The following UNC5D variants were observed in gnomAD, a reference collection of about 807,000 sequenced individuals.
UNC5D encodes netrin receptor UNC5D.
Under a neutral mutation model 105.4 loss-of-function variants are expected in UNC5D, and 39 were observed. The observed-to-expected ratio is 0.37, with a 90% confidence interval of 0.29 to 0.48. The LOEUF (loss-of-function observed/expected upper bound fraction) is 0.48. Ranked by LOEUF, UNC5D falls within the 20% of genes least tolerant of loss-of-function variation. The probability of loss-of-function intolerance (pLI) is 0.98; values close to 1 mark genes in which losing one functional copy is unlikely to be tolerated. For missense variants in UNC5D, 991 were observed against 1,202.4 expected (o/e 0.82, Z 2.60); for synonymous variants, 452 against 450.4 (o/e 1.00, Z -0.04).
chr8:35,255,098 A>T (rs1266067970), intron 1 of UNC5D: 1 of 152,196 alleles, frequency 6.6e-6, no homozygotes. Flanking sequence ...GTTGATCTGC[A>T]GGTCTCTGCT....
Position 35,766,975 on chromosome 8 carries a change from C to A in UNC5D, c.2387C>A (p.Thr796Lys), listed in dbSNP as rs758920980. The change falls in exon 15 of 17, where the codon ACG becomes AAG. Residue 796 changes from threonine (T) to lysine (K), a missense_variant. Thr to Lys is a moderately conservative substitution (Grantham distance 78, BLOSUM62 -1). Transcript: ENST00000404895. ...LHCAFSLERY[T>K]PTTTQLSCKI... Reference sequence around the variant, plus strand: ...TGTGCCTTCTCCCTGGAGCGTTATACGCCCACTACCACCCAGCTGTCCTGC... The same window carrying A: ...TGTGCCTTCTCCCTGGAGCGTTATAAGCCCACTACCACCCAGCTGTCCTGC... 1.9e-6 allele frequency: 3 copies of A among 1,614,048 alleles called. No individual in the cohort carries two copies. The highest frequency in any genetic ancestry group is 2.5e-6 in the Non-Finnish European group (3 of 1,179,960).
At chr8:35,459,574 T>A (rs1236165896) in intron 1 of UNC5D, among the ~76,000 whole-genome samples, 1 of 152,208 alleles carries the variant, frequency 6.6e-6, no homozygotes, top group Admixed American at 6.5e-5. Flanking sequence ...ATGGCATGTA[T>A]TAGACAGGGA....
chr8:35,536,474 T>C (rs189098353), intron 1 of UNC5D, among the ~76,000 whole-genome samples: 1 of 152,360 alleles, frequency 6.6e-6, no homozygotes, highest in East Asian at 1.9e-4. Flanking sequence ...AAATCCCATG[T>C]CTTTTCCTTT....
At chr8:35,462,973 CA>C (rs1809010875) in intron 1 of UNC5D, among the ~76,000 whole-genome samples, 2 of 152,210 alleles carry the variant, frequency 1.3e-5, no homozygotes. Context: ...TTTCTTAAGA[CA>C]TGGGATCTTC....
At chr8:35,395,221 G>A (rs189894038) in intron 1 of UNC5D, among the ~76,000 whole-genome samples, 2 of 152,300 alleles carry the variant, frequency 1.3e-5, no homozygotes, top group South Asian at 4.1e-4. Context: ...TAAAGAACAA[G>A]GGCTGTTTCT....
At chr8:35,312,255 T>C (rs1742563773) in intron 1 of UNC5D, among the ~76,000 whole-genome samples, 1 of 152,218 alleles carries the variant, frequency 6.6e-6, no homozygotes, top group Non-Finnish European at 1.5e-5. Context: ...CTAACCAGGA[T>C]GACATAATTG....
At chr8:35,368,240 A>C (rs769667025) in intron 1 of UNC5D, among the ~76,000 whole-genome samples, 2 of 152,318 alleles carry the variant, frequency 1.3e-5, no homozygotes, top group Non-Finnish European at 2.9e-5. Flanking sequence ...GGCTGAAACA[A>C]TAGAACAACA....
intron 7 of UNC5D, among the ~76,000 whole-genome samples, chr8:35,700,871 A>G (rs889433795): frequency 1.2e-4 from 18 of 152,224 alleles, no homozygotes; most frequent in Non-Finnish European, 2.9e-5. Flanking sequence ...AATTATTGCA[A>G]CAAATAAGGA....
intron 1 of UNC5D, among the ~76,000 whole-genome samples, chr8:35,248,972 TATATTTTTATATA>T (rs1803460069): frequency 4.5e-5 from 4 of 89,106 alleles, no homozygotes; most frequent in African/African-American, 1.4e-4. Context: ...ATATATATTA[TATATTTTTATATA>T]ATATATTATA....
At chr8:35,466,616 C>G (rs894966711) in intron 1 of UNC5D, among the ~76,000 whole-genome samples, 12 of 152,068 alleles carry the variant, frequency 7.9e-5, no homozygotes, top group Non-Finnish European at 1.3e-4. Flanking sequence ...GAGACTATTT[C>G]TCATGGACGC....
chr8:35,299,787 GA>G (rs1807784565), intron 1 of UNC5D, among the ~76,000 whole-genome samples: 2 of 152,124 alleles, frequency 1.3e-5, no homozygotes, highest in African/African-American at 4.8e-5. Flanking sequence ...ACACCTAAGA[GA>G]ATGGTTGAAT....
At chr8:35,718,876 C>G (rs961994089) in intron 8 of UNC5D, among the ~76,000 whole-genome samples, 1 of 151,898 alleles carries the variant, frequency 6.6e-6, no homozygotes, top group Non-Finnish European at 1.5e-5. Context: ...CTTTTGTTAG[C>G]GAGTGTCCAT....
At chr8:35,324,553 T>G (rs1810011236) in intron 1 of UNC5D, among the ~76,000 whole-genome samples, 1 of 152,224 alleles carries the variant, frequency 6.6e-6, no homozygotes, top group African/African-American at 2.4e-5. Context: ...GAACAACTCT[T>G]ATGTGCATTT....
intron 3 of UNC5D, among the ~76,000 whole-genome samples, chr8:35,587,700 G>T (rs1432064895): frequency 1.3e-5 from 2 of 151,846 alleles, no homozygotes; most frequent in African/African-American, 4.8e-5. Context: ...GTGAAACTTG[G>T]TACAATAAAA....
At chr8:35,598,266 T>G (rs528007126) in intron 4 of UNC5D, among the ~76,000 whole-genome samples, 1 of 152,350 alleles carries the variant, frequency 6.6e-6, no homozygotes, top group East Asian at 1.9e-4. Context: ...TTTACTTTGC[T>G]TATTTCTCTC....
Position 35,593,046 on chromosome 8 carries a change from T to TACACACAC in UNC5D, c.467-2474_467-2467dup, listed in dbSNP as rs200962371. On this transcript the variant is annotated intron_variant, in intron 3 of 16. Coordinates refer to ENST00000404895, the MANE Select transcript of UNC5D (RefSeq NM_080872.4). ...TAGGTCCCACTGTCAGTAGTTTTTA[T>TACACACAC]ACACACACACACACACACACACACA... Among the ~76,000 whole-genome samples the TACACACAC allele has an allele frequency of 6.0e-3, 853 of 141,210 alleles. 5 individuals are homozygous for TACACACAC. The highest frequency in any genetic ancestry group is 7.7e-3 in the Non-Finnish European group (496 of 64,142). The allele number at this position is 141,210 out of a possible 152,430, so 92.6% of individuals were successfully genotyped here. A position where few individuals can be genotyped will look rare whatever the true frequency, so the allele number is the denominator to read the frequency against.
At chr8:35,360,809 A>G (rs1157592333) in intron 1 of UNC5D, among the ~76,000 whole-genome samples, 3 of 152,114 alleles carry the variant, frequency 2.0e-5, no homozygotes, top group Non-Finnish European at 4.4e-5. Flanking sequence ...TTGGCAATAT[A>G]TATTTTTTAA....
chr8:35,539,255 G>A (rs2589745), intron 1 of UNC5D, among the ~76,000 whole-genome samples: 28 of 151,676 alleles, frequency 1.8e-4, no homozygotes, highest in African/African-American at 6.8e-4. Context: ...GGTGACAATG[G>A]GTAGGAATAT....
intron 1 of UNC5D, among the ~76,000 whole-genome samples, chr8:35,514,371 C>T (rs955731095): frequency 4.6e-5 from 7 of 152,168 alleles, no homozygotes; most frequent in African/African-American, 1.7e-4. Flanking sequence ...TGAGAGAAAA[C>T]TTTAAAAGAA....
Sources: gnomAD v4.1 joint callset for allele counts (sites outside exome capture counted in the v4.1 genomes callset) on GRCh38, gnomAD v4.1.1 for gene constraint, MANE v1.5 for transcripts, NCBI Gene and HGNC (gene_info 2026-07-23, HGNC 2026-07-21) for gene names.